Variants in ERI1 observed in about 807,000 individuals in gnomAD.
The protein encoded by ERI1 is 3'-5' exoribonuclease 1.
ERI1 carries 39 observed loss-of-function variants against 39.7 expected under a neutral mutation model. That is an observed-to-expected ratio of 0.98 (90% CI 0.76 to 1.28). ERI1 has a LOEUF of 1.28. ERI1 is among the 50% of genes most tolerant of loss of function. The pLI is 0.00. For missense variants in ERI1, 581 were observed against 416.9 expected, an observed-to-expected ratio of 1.39 and a Z score of -3.43; for synonymous variants, 204 against 149.6, an observed-to-expected ratio of 1.36 and a Z score of -2.65.
intron 1 of ERI1, among the ~76,000 whole-genome samples, chr8:9,005,624 C>T (rs1445190446): frequency 6.6e-6 from 1 of 151,382 alleles, no homozygotes; most frequent in African/African-American, 2.4e-5. Flanking sequence ...ACGCCATTCT[C>T]CTGCCTCAGC....
At chr8:9,078,329 A>AC (rs1799269859) in intron 3 of ERI1, among the ~76,000 whole-genome samples, 1 of 145,382 alleles carries the variant, frequency 6.9e-6, no homozygotes. Context: ...TCTGTATAGC[A>AC]CTTTTTTTTT....
In ERI1 at chr8:9,022,911, T is replaced by C. The variant is rs767024172; in HGVS notation, c.807+2447T>C. On this transcript the variant is annotated intron_variant, in intron 6 of 6. Transcript: ENST00000250263. ...GAGGCAGAAGTCAGACATTATGTTA[T>C]CTGATCTGTAAAAATTTCATTACGT... is the stretch of plus-strand genomic sequence containing the variant. Among the ~76,000 whole-genome samples the C allele has an allele frequency of 3.3e-5, 5 of 152,324 alleles. No individual in the cohort carries two copies. In the South Asian group the frequency reaches 6.2e-4, roughly 19 times the overall value.
intron 3 of ERI1, among the ~76,000 whole-genome samples, chr8:9,053,272 C>T (rs1231189719): frequency 6.6e-6 from 1 of 152,196 alleles, no homozygotes; most frequent in Non-Finnish European, 1.5e-5. Flanking sequence ...CTGCCTTGGC[C>T]TCTCAAATTG....
intron 6 of ERI1, among the ~76,000 whole-genome samples, chr8:9,024,964 T>C (rs1030821164): frequency 1.3e-5 from 2 of 152,100 alleles, no homozygotes; most frequent in Admixed American, 6.6e-5. Context: ...TGCTTACACA[T>C]GTAGAAAGTT....
intron 3 of ERI1, among the ~76,000 whole-genome samples, chr8:9,053,639 G>A (rs1479810078): frequency 6.6e-6 from 1 of 152,182 alleles, no homozygotes; most frequent in East Asian, 1.9e-4. Flanking sequence ...TCAATTTATA[G>A]TCAGCCAGGT....
intron 3 of ERI1, among the ~76,000 whole-genome samples, chr8:9,086,190 A>G (rs544551013): frequency 5.1e-4 from 78 of 152,284 alleles, no homozygotes; most frequent in African/African-American, 1.8e-3. Flanking sequence ...AAGGTGGACA[A>G]ATTGCTTGAG....
intron 6 of ERI1, among the ~76,000 whole-genome samples, chr8:9,023,071 C>G (rs1164663372): frequency 1.3e-5 from 2 of 152,136 alleles, no homozygotes; most frequent in Non-Finnish European, 2.9e-5. Context: ...TGAGTCAGAT[C>G]AGGATAAGGT....
At chr8:9,050,523 A>AAT (rs1491035451) in intron 3 of ERI1, among the ~76,000 whole-genome samples, 4 of 133,484 alleles carry the variant, frequency 3.0e-5, no homozygotes, top group African/African-American at 1.1e-4. Flanking sequence ...AAAAAAAAAA[A>AAT]ATTCTAGGTC....
intron 3 of ERI1, among the ~76,000 whole-genome samples, chr8:9,095,462 C>G (rs753465825): frequency 1.3e-5 from 2 of 151,670 alleles, no homozygotes; most frequent in Non-Finnish European, 2.9e-5. Context: ...ACAGGATGCC[C>G]AAATCCATGG....
At chr8:9,085,173 C>A (rs1053143258) in intron 3 of ERI1, among the ~76,000 whole-genome samples, 1 of 152,050 alleles carries the variant, frequency 6.6e-6, no homozygotes, top group African/African-American at 2.4e-5. Context: ...GTGCCCACCG[C>A]TTTTTTTGTT....
At chr8:9,097,398 C>T (rs891076773) in intron 3 of ERI1, among the ~76,000 whole-genome samples, 1 of 152,150 alleles carries the variant, frequency 6.6e-6, no homozygotes, top group Non-Finnish European at 1.5e-5. Context: ...TGCGGTGGCT[C>T]ACGCCTGTAA....
Position 9,031,429 on chromosome 8 carries a change from C to A in ERI1, c.*1395C>A, listed in dbSNP as rs373380382. ...AGAAGGCATATGAGAGTGTGGTGTTCCTAGATGAACTGTTACAGATTATAG... is the reference window on the plus strand; with the variant it reads ...AGAAGGCATATGAGAGTGTGGTGTTACTAGATGAACTGTTACAGATTATAG... On this transcript the variant is annotated 3_prime_UTR_variant, in exon 7 of 7. Coordinates refer to ENST00000250263, the MANE Select transcript of ERI1 (RefSeq NM_153332.4). 7 of 152,190 alleles carry A rather than the reference C, an allele frequency of 4.6e-5. No individual in the cohort carries two copies. The East Asian group carries it at 1.2e-3, about 25-fold the overall frequency. The allele number at this position is 152,190 out of a possible 1,614,324, so 9.4% of individuals were successfully genotyped here.
In ERI1 at chr8:9,033,146, G is replaced by C. The variant is rs929417376; in HGVS notation, c.*3112G>C. The C allele has an allele frequency of 1.3e-5, 2 of 152,098 alleles. No homozygotes were observed. The highest frequency in any genetic ancestry group is 1.3e-4 in the Admixed American group (2 of 15,256). 9.4% of individuals were successfully genotyped at this position (152,098 alleles called of 1,614,324 possible). A position where few individuals can be genotyped will look rare whatever the true frequency, so the allele number is the denominator to read the frequency against. ...CTCCTTGCCCCACAAAGCTTCCAAAGCCCGTAAATTTGTTAATCTAGAGCA... is the reference window on the plus strand; with the variant it reads ...CTCCTTGCCCCACAAAGCTTCCAAACCCCGTAAATTTGTTAATCTAGAGCA... On this transcript the variant is annotated 3_prime_UTR_variant, in exon 7 of 7. Transcript: ENST00000250263.
chr8:9,016,343 G>A lies in ERI1; in HGVS notation c.520G>A (p.Val174Ile), dbSNP rs1431989494. The change falls in exon 4 of 7, where the codon GTA becomes ATA. Residue 174 changes from valine (V) to isoleucine (I), a missense_variant. Transcript: ENST00000250263. ...LEIEDTFQQY[V>I]RPEINTQLSD... is the part of the protein sequence containing the mutation. ...GCAGGAAGACACGTTTCAGCAGTAT[G>A]TAAGACCAGAGATTAACACACAGCT... 1 of 1,606,214 alleles carries A rather than the reference G, an allele frequency of 6.2e-7. No homozygotes were observed. The highest frequency in any genetic ancestry group is 8.5e-7 in the Non-Finnish European group (1 of 1,176,050).
intron 6 of ERI1, among the ~76,000 whole-genome samples, chr8:9,026,867 A>T (rs1291515457): frequency 6.6e-6 from 1 of 152,214 alleles, no homozygotes; most frequent in Non-Finnish European, 1.5e-5. Flanking sequence ...TTAAAAAAAA[A>T]AAAATCCATT....
chr8:9,051,186 A>T (rs985800222), intron 3 of ERI1, among the ~76,000 whole-genome samples: 1 of 151,828 alleles, frequency 6.6e-6, no homozygotes, highest in Non-Finnish European at 1.5e-5. Context: ...ATATATATAT[A>T]TGAAAAGGAG....
intron 3 of ERI1, among the ~76,000 whole-genome samples, chr8:9,069,318 T>A (rs1407084914): frequency 2.6e-5 from 4 of 152,306 alleles, no homozygotes; most frequent in Middle Eastern, 3.4e-3. Flanking sequence ...ATAGGAAAAA[T>A]TTTTAAAAGC....
intron 3 of ERI1, among the ~76,000 whole-genome samples, chr8:9,094,868 G>A (rs145682058): frequency 6.6e-6 from 1 of 152,248 alleles, no homozygotes; most frequent in African/African-American, 2.4e-5. Context: ...TTAAAAAAAC[G>A]TAATCCTTTT....
chr8:9,008,194 T>G (rs1585185421), intron 2 of ERI1, 46 bp downstream of exon 2: 2 of 1,396,634 alleles, frequency 1.4e-6, no homozygotes, highest in Non-Finnish European at 9.6e-7. Context: ...TACATGCTCA[T>G]TTTAGAAAAT....
Sources: allele counts gnomAD v4.1 joint callset (sites outside exome capture counted in the v4.1 genomes callset), GRCh38; gene constraint gnomAD v4.1.1; transcripts MANE v1.5; gene names NCBI Gene and HGNC (gene_info 2026-07-23, HGNC 2026-07-21).